The following RAB31 variants were observed in gnomAD, a reference collection of about 807,000 sequenced individuals.
RAB31 encodes ras-related protein Rab-31.
A neutral mutation model predicts 25.6 loss-of-function variants in RAB31; 21 were observed. The ratio of observed to expected loss-of-function variants is 0.82; its 90% CI spans 0.58 to 1.18. The LOEUF (loss-of-function observed/expected upper bound fraction) is 1.18. Ranked by LOEUF, RAB31 falls within the 50% of genes most tolerant of loss-of-function variation. The pLI is 0.00. For missense variants in RAB31, 196 were observed against 250.1 expected, an observed-to-expected ratio of 0.78 and a Z score of 1.46; for synonymous variants, 87 against 84.0, an observed-to-expected ratio of 1.04 and a Z score of -0.20.
intron 1 of RAB31, among the ~76,000 whole-genome samples, chr18:9,750,396 C>CA (rs1372155245): frequency 6.6e-6 from 1 of 152,160 alleles, no homozygotes; most frequent in African/African-American, 2.4e-5. Flanking sequence ...ATCCATTTAG[C>CA]AGAAAAGGAC....
chr18:9,832,716 C>T (rs1208187273), intron 5 of RAB31, among the ~76,000 whole-genome samples: 3 of 152,158 alleles, frequency 2.0e-5, no homozygotes, highest in African/African-American at 7.2e-5. Context: ...CATGGCAGTC[C>T]CTCAGCATCC....
chr18:9,813,525 A>G (rs1409275662), intron 3 of RAB31, among the ~76,000 whole-genome samples: 1 of 152,112 alleles, frequency 6.6e-6, no homozygotes, highest in African/African-American at 2.4e-5. Flanking sequence ...AAGCATACAT[A>G]TGTGTTGATG....
intron 1 of RAB31, among the ~76,000 whole-genome samples, chr18:9,773,443 G>A (rs2068355668): frequency 6.6e-6 from 1 of 151,946 alleles, no homozygotes; most frequent in South Asian, 2.1e-4. Context: ...TTTTCAGAAC[G>A]CCTCCACGAT....
chr18:9,729,497 A>C (rs1476657413), intron 1 of RAB31, among the ~76,000 whole-genome samples: 1 of 151,522 alleles, frequency 6.6e-6, no homozygotes, highest in African/African-American at 2.4e-5. Context: ...AGTGCACTCC[A>C]GCCTGGGGGA....
At chr18:9,831,030 C>T (rs1279154187) in intron 5 of RAB31, among the ~76,000 whole-genome samples, 1 of 152,240 alleles carries the variant, frequency 6.6e-6, no homozygotes, top group African/African-American at 2.4e-5. Context: ...TCTTCTGTTC[C>T]ATCGGCTGAC....
intron 1 of RAB31, among the ~76,000 whole-genome samples, chr18:9,748,335 C>G (rs1027785849): frequency 3.3e-5 from 5 of 151,214 alleles, no homozygotes; most frequent in African/African-American, 9.7e-5. Flanking sequence ...TATCTCTACC[C>G]CCTACCCCCA....
At chr18:9,778,777 A>G (rs2068387081) in intron 2 of RAB31, among the ~76,000 whole-genome samples, 1 of 152,148 alleles carries the variant, frequency 6.6e-6, no homozygotes. Context: ...AGCCACACAT[A>G]TAACTTTTGA....
At chr18:9,759,613 C>T (rs938240313) in intron 1 of RAB31, among the ~76,000 whole-genome samples, 1 of 151,872 alleles carries the variant, frequency 6.6e-6, no homozygotes, top group Non-Finnish European at 1.5e-5. Flanking sequence ...GGTCTGTGAT[C>T]TGTTTCTAAG....
intron 1 of RAB31, among the ~76,000 whole-genome samples, chr18:9,747,597 A>G (rs1021606785): frequency 2.6e-5 from 4 of 152,250 alleles, no homozygotes; most frequent in African/African-American, 4.8e-5. Flanking sequence ...TAAATGAGAG[A>G]AACCAGACAC....
At chr18:9,837,999 A>G (rs542055346) in intron 5 of RAB31, among the ~76,000 whole-genome samples, 2 of 152,312 alleles carry the variant, frequency 1.3e-5, no homozygotes, top group East Asian at 3.9e-4. Flanking sequence ...GCATTCTGTA[A>G]GAAAGTAGTG....
chr18:9,813,576 G>T (rs2068585865), intron 3 of RAB31, among the ~76,000 whole-genome samples: 1 of 152,208 alleles, frequency 6.6e-6, no homozygotes, highest in Non-Finnish European at 1.5e-5. Flanking sequence ...CTGGGGCCGG[G>T]TGCGGTAGCT....
At chr18:9,847,776 G>A (rs778772935) in intron 6 of RAB31, among the ~76,000 whole-genome samples, 1 of 152,128 alleles carries the variant, frequency 6.6e-6, no homozygotes, top group African/African-American at 2.4e-5. Flanking sequence ...GTCTCGCCAT[G>A]TTGCCTAGGC....
At chr18:9,798,238 T>C (rs1320952781) in intron 3 of RAB31, among the ~76,000 whole-genome samples, 1 of 152,224 alleles carries the variant, frequency 6.6e-6, no homozygotes, top group Non-Finnish European at 1.5e-5. Context: ...TGTGGCTATG[T>C]GGTCACCTGA....
At chr18:9,818,256 G>A (rs1485046005) in intron 5 of RAB31, among the ~76,000 whole-genome samples, 1 of 152,158 alleles carries the variant, frequency 6.6e-6, no homozygotes, top group East Asian at 1.9e-4. Context: ...TGTTTTAAGT[G>A]TATACAGTTC....
rs188068198 is a variant in RAB31, at chr18:9,846,170, G to A, written c.490+479G>A. 1.6e-3 allele frequency among the ~76,000 whole-genome samples: 241 copies of A among 152,264 alleles called. 1 individual carries two copies. Among genetic ancestry groups the A allele is most frequent in the African/African-American group, 5.4e-3 (223 of 41,532 alleles). ...ATTGGGAATTGGATACAGGGTTGGC[G>A]TGTACAGGTACCCCATGTGTCTGGT... is the stretch of plus-strand genomic sequence containing the variant. On this transcript the variant is annotated intron_variant, in intron 6 of 6. Transcript: ENST00000578921.
intron 6 of RAB31, among the ~76,000 whole-genome samples, chr18:9,853,368 A>G (rs984079488): frequency 2.6e-5 from 4 of 152,246 alleles, no homozygotes; most frequent in African/African-American, 4.8e-5. Flanking sequence ...AAAATGAGCT[A>G]TCAAACCATA....
At chr18:9,817,342 G>A (rs995539524) in intron 5 of RAB31, among the ~76,000 whole-genome samples, 1 of 152,146 alleles carries the variant, frequency 6.6e-6, no homozygotes, top group African/African-American at 2.4e-5. Flanking sequence ...AGGATTCTTG[G>A]TTATGTGGAA....
intron 1 of RAB31, among the ~76,000 whole-genome samples, chr18:9,750,907 C>T (rs2068231529): frequency 6.6e-6 from 1 of 152,086 alleles, no homozygotes; most frequent in Admixed American, 6.6e-5. Context: ...TACTGTTGCT[C>T]CCCAGGGTCA....
chr18:9,857,690 A>T (rs142805248), intron 6 of RAB31, among the ~76,000 whole-genome samples: 2 of 86,578 alleles, frequency 2.3e-5, no homozygotes, highest in Non-Finnish European at 4.5e-5. Context: ...GATAGATGAT[A>T]GATAGATAGA....
Sources: gnomAD v4.1 joint callset for allele counts (sites outside exome capture counted in the v4.1 genomes callset) on GRCh38, gnomAD v4.1.1 for gene constraint, MANE v1.5 for transcripts, NCBI Gene and HGNC (gene_info 2026-07-23, HGNC 2026-07-21) for gene names.